Variants in PHEX observed in about 807,000 individuals in gnomAD.
The protein encoded by PHEX is phosphate-regulating neutral endopeptidase PHEX.
PHEX carries 16 observed loss-of-function variants against 68.0 expected under a neutral mutation model. That is an observed-to-expected ratio of 0.24 (90% CI 0.16 to 0.36). PHEX has a LOEUF of 0.36. PHEX is among the 10% of genes least tolerant of loss of function. The pLI is 1.00. For missense variants in PHEX, 480 were observed against 575.5 expected (o/e 0.83, Z 1.70); for synonymous variants, 208 against 205.1 (o/e 1.01, Z -0.12).
At chrX:22,099,421 G>T in intron 9 of PHEX, 1 of 332,121 alleles carries the variant, frequency 3.0e-6, no homozygotes, top group Non-Finnish European at 5.3e-6. Context: ...ATGAGCTTGG[G>T]GAGCTAGTCA....
At chrX:22,041,658 C>T (rs182512903) in intron 2 of PHEX, among the ~76,000 whole-genome samples, 66 of 110,256 alleles carry the variant, frequency 6.0e-4, no homozygotes, top group Non-Finnish European at 1.1e-3. Flanking sequence ...AGAGAGCAGG[C>T]GGAACTATCA....
intron 20 of PHEX, among the ~76,000 whole-genome samples, chrX:22,233,712 A>C (rs1935853920): frequency 9.0e-6 from 1 of 111,347 alleles, no homozygotes. Context: ...CAATTCATCT[A>C]ACCTGTTTTC....
intron 15 of PHEX, among the ~76,000 whole-genome samples, chrX:22,190,914 C>T (rs1369815836): frequency 2.7e-5 from 3 of 111,889 alleles, no homozygotes; most frequent in African/African-American, 6.5e-5. Flanking sequence ...AAGAAAGAAG[C>T]TTGGAAATAT....
rs1935550704 is a variant in PHEX at position 22,227,567 on chromosome X, A to G, written c.2026A>G (p.Ile676Val). Residue 676 changes from isoleucine to valine, a missense_variant, in exon 20 of 22, where the codon ATC (isoleucine) becomes GTC (valine). Ile to Val is a conservative substitution (Grantham distance 29). Coordinates refer to ENST00000379374, the MANE Select transcript of PHEX (RefSeq NM_000444.6). Reference protein sequence around the residue: ...QGLEEPLLPGITFTNNQLFFL... With the variant: ...QGLEEPLLPGVTFTNNQLFFL... ...ACTTGAGGAGCCTCTTCTACCAGGCATCACATTCACCAACAACCAGCTCTT... is the reference window on the plus strand; with the variant it reads ...ACTTGAGGAGCCTCTTCTACCAGGCGTCACATTCACCAACAACCAGCTCTT... The G allele has an allele frequency of 1.7e-6, 2 of 1,209,126 alleles. No individual in the cohort carries two copies. Among genetic ancestry groups the G allele is most frequent in the South Asian group, 3.5e-5 (2 of 56,929 alleles).
intron 11 of PHEX, among the ~76,000 whole-genome samples, chrX:22,131,970 C>T (rs929791894): frequency 8.9e-6 from 1 of 112,268 alleles, no homozygotes; most frequent in Non-Finnish European, 1.9e-5. Flanking sequence ...TTCTGGTCCA[C>T]AGACACCGGC....
chrX:22,173,925 A>C, intron 13 of PHEX, among the ~76,000 whole-genome samples: 1 of 112,309 alleles, frequency 8.9e-6, no homozygotes, highest in South Asian at 3.7e-4. Context: ...GATCATTTGC[A>C]TTCCTATGTA....
chrX:22,069,949 A>G (rs774924130), intron 3 of PHEX, among the ~76,000 whole-genome samples: 2 of 112,002 alleles, frequency 1.8e-5, no homozygotes, highest in South Asian at 3.7e-4. Flanking sequence ...CTTTAAGTGC[A>G]TAAGGGTTTA....
chrX:22,095,633 T>G (rs1930103593), intron 7 of PHEX, among the ~76,000 whole-genome samples: 1 of 111,951 alleles, frequency 8.9e-6, no homozygotes, highest in Non-Finnish European at 1.9e-5. Context: ...GGAGGCTGTT[T>G]GTAAGTTACA....
In PHEX at chrX:22,041,780, CTT is replaced by C. The variant is rs200627534; in HGVS notation, c.187+3248_187+3249del. ...AAATTTTCAACTTGAGTTTAGAACACTTTTTTGTATGGAAGGCCACTTATTTC... is the reference window on the plus strand; with the variant it reads ...AAATTTTCAACTTGAGTTTAGAACACTTTTGTATGGAAGGCCACTTATTTC... On this transcript the variant is annotated intron_variant, in intron 2 of 21. Coordinates refer to ENST00000379374, the MANE Select transcript of PHEX (RefSeq NM_000444.6). Among the ~76,000 whole-genome samples, 631 of 110,617 alleles carry C rather than the reference CTT, an allele frequency of 5.7e-3. 7 individuals are homozygous for C. The highest frequency in any genetic ancestry group is 0.019 in the African/African-American group (591 of 30,401).
chrX:22,119,537 C>T (rs1473566572), intron 11 of PHEX, among the ~76,000 whole-genome samples: 1 of 110,280 alleles, frequency 9.1e-6, no homozygotes, highest in Non-Finnish European at 1.9e-5. Context: ...AGAGTTATCA[C>T]TTGCTAATTT....
rs1935632771 is a variant in PHEX, at chrX:22,229,516, A to ATGTT, written c.2070+1910_2070+1913dup. Among the ~76,000 whole-genome samples, 4 of 111,553 alleles carry ATGTT rather than the reference A, an allele frequency of 3.6e-5. No homozygotes were observed. In the South Asian group the frequency reaches 1.1e-3, roughly 31 times the overall value. ...AGTGATGATAATGAGCATTTTTCAT[A>ATGTT]TGTTTGTTGGCTGCATAAATGTCTT... is the stretch of plus-strand genomic sequence containing the variant. On this transcript the variant is annotated intron_variant, in intron 20 of 21. Coordinates refer to ENST00000379374, the MANE Select transcript of PHEX (RefSeq NM_000444.6).
At chrX:22,110,492 T>G in intron 9 of PHEX, among the ~76,000 whole-genome samples, 1 of 111,832 alleles carries the variant, frequency 8.9e-6, no homozygotes. Flanking sequence ...AGGGTACATG[T>G]GTACAACGTG....
At chrX:22,128,460 G>A (rs1162952463) in intron 11 of PHEX, among the ~76,000 whole-genome samples, 5 of 110,544 alleles carry the variant, frequency 4.5e-5, no homozygotes, top group Non-Finnish European at 9.4e-5. Context: ...AAACCAAGCT[G>A]CTTAGAGAGA....
chrX:22,209,746 T>C (rs1267372663), intron 15 of PHEX, among the ~76,000 whole-genome samples: 3 of 64,752 alleles, frequency 4.6e-5, no homozygotes, highest in Non-Finnish European at 7.7e-5. Context: ...CTCCCTCTGC[T>C]CCCTCTCCTC....
At chrX:22,187,213 G>A (rs1396869747) in intron 14 of PHEX, among the ~76,000 whole-genome samples, 1 of 111,833 alleles carries the variant, frequency 8.9e-6, no homozygotes, top group East Asian at 2.8e-4. Flanking sequence ...AGCCGGCTGG[G>A]CTCTTATGGG....
chrX:22,146,742 A>G (rs1010980112), intron 12 of PHEX, among the ~76,000 whole-genome samples: 3 of 111,138 alleles, frequency 2.7e-5, no homozygotes, highest in African/African-American at 9.8e-5. Flanking sequence ...GCTTGAACCC[A>G]GGAGGCAGAG....
intron 20 of PHEX, among the ~76,000 whole-genome samples, chrX:22,243,747 A>C (rs1936304102): frequency 1.8e-5 from 2 of 112,309 alleles, no homozygotes; most frequent in South Asian, 7.5e-4. Flanking sequence ...ATCTCATGCC[A>C]GTGAGAATGG....
chrX:22,222,640 G>T (rs757847954), intron 18 of PHEX, among the ~76,000 whole-genome samples: 52 of 111,817 alleles, frequency 4.7e-4, no homozygotes, highest in Non-Finnish European at 4.0e-4. Context: ...CAAAGCCAAA[G>T]ATTTTTGGGT....
chrX:22,126,871 T>TG (rs1448533935), intron 11 of PHEX, among the ~76,000 whole-genome samples: 49 of 87,746 alleles, frequency 5.6e-4, no homozygotes, highest in African/African-American at 2.0e-3. Flanking sequence ...GTTGTTTTTT[T>TG]TTTTTTTTTT....
Sources: gnomAD v4.1 joint callset for allele counts (sites outside exome capture counted in the v4.1 genomes callset) on GRCh38, gnomAD v4.1.1 for gene constraint, MANE v1.5 for transcripts, NCBI Gene and HGNC (gene_info 2026-07-23, HGNC 2026-07-21) for gene names.